DNAJC5: variants seen among roughly 807,000 people sequenced by gnomAD.
The protein encoded by DNAJC5 is DnaJ heat shock protein family (Hsp40) member C5.
In DNAJC5, 1 loss-of-function variant was observed where a neutral mutation model predicts 23.2. The observed-to-expected ratio is 0.04, with a 90% CI of 0.02 to 0.20. The LOEUF is 0.20. Ranked by LOEUF, DNAJC5 falls within the 10% of genes least tolerant of loss-of-function variation. The probability of loss-of-function intolerance (pLI) is 1.00; values close to 1 mark genes in which losing one functional copy is unlikely to be tolerated. For synonymous variants in DNAJC5, 136 were observed against 120.0 expected, an observed-to-expected ratio of 1.13 and a Z score of -0.87; for missense variants, 180 against 267.0, an observed-to-expected ratio of 0.67 and a Z score of 2.27.
rs535915377 is a variant in DNAJC5 at position 63,921,177 on chromosome 20, T to G, written c.-11-7158T>G. Among the ~76,000 whole-genome samples, 4 of 152,256 alleles carry G rather than the reference T, an allele frequency of 2.6e-5. No individual in the cohort carries two copies. The South Asian group carries it at 8.3e-4, about 32-fold the overall frequency. On this transcript the variant is annotated intron_variant, in intron 1 of 4. Coordinates refer to ENST00000360864, the MANE Select transcript of DNAJC5 (RefSeq NM_025219.3). ...TTTCTCCATGTTGGTCAGGCTGGCC[T>G]CAAACTCCTGACCTCAGGTGATCCG... is the stretch of plus-strand genomic sequence containing the variant.
At chr20:63,904,642 T>G (rs1461237248) in intron 1 of DNAJC5, among the ~76,000 whole-genome samples, 1 of 152,152 alleles carries the variant, frequency 6.6e-6, no homozygotes, top group Admixed American at 6.6e-5. Flanking sequence ...TAGGCAAAGT[T>G]GTGCTAATGC....
intron 1 of DNAJC5, among the ~76,000 whole-genome samples, chr20:63,913,279 G>A (rs920543484): frequency 1.3e-5 from 2 of 152,058 alleles, no homozygotes; most frequent in African/African-American, 2.4e-5. Context: ...CCTGCAGTCC[G>A]CAGCACCTGT....
At chr20:63,913,910 C>G (rs965870370) in intron 1 of DNAJC5, among the ~76,000 whole-genome samples, 1 of 152,198 alleles carries the variant, frequency 6.6e-6, no homozygotes, top group Admixed American at 6.5e-5. Context: ...TCTGTATATT[C>G]AGACCGTCCA....
intron 1 of DNAJC5, among the ~76,000 whole-genome samples, chr20:63,902,966 C>T (rs899904295): frequency 2.0e-5 from 3 of 151,892 alleles, no homozygotes; most frequent in Non-Finnish European, 2.9e-5. Flanking sequence ...CGTGAGCCAC[C>T]GCGCCCTGCC....
chr20:63,915,423 T>TAAA (rs10542373), intron 1 of DNAJC5, among the ~76,000 whole-genome samples: 1 of 125,446 alleles, frequency 8.0e-6, no homozygotes, highest in African/African-American at 2.7e-5. Flanking sequence ...CTACAATTGG[T>TAAA]AAAAAAAAAA....
rs2053649288 is a variant in DNAJC5 at position 63,929,719 on chromosome 20, A to ACTCCTGCCGTGCGGGCGCCCGAGTCT, written c.321+210_321+211insGCCCGAGTCTCTCCTGCCGTGCGGGC. On this transcript the variant is annotated intron_variant, in intron 3 of 4. Transcript: ENST00000360864. This position sits in a 1 kb window ranked among gnomAD's most constrained non-coding sequence, Gnocchi z 8.6. ...CTCCTGCCGTGCGGGCGCCCGAGTC[A>ACTCCTGCCGTGCGGGCGCCCGAGTCT]CTCCTGCCGTGCGGGCACCCGAGTC... 1.7e-5 allele frequency among the ~76,000 whole-genome samples: 2 copies of ACTCCTGCCGTGCGGGCGCCCGAGTCT among 115,554 alleles called. No individual in the cohort carries two copies. The highest frequency in any genetic ancestry group is 3.2e-5 in the African/African-American group (1 of 30,854). The allele number at this position is 115,554 out of a possible 152,430, so 75.8% of individuals were successfully genotyped here.
intron 1 of DNAJC5, among the ~76,000 whole-genome samples, chr20:63,921,785 G>GT (rs910731473): frequency 3.3e-4 from 49 of 148,358 alleles, no homozygotes; most frequent in South Asian, 4.3e-4. Context: ...CCCCTTGAAA[G>GT]TTTTTTTTTT....
chr20:63,921,590 CAA>C (rs11482146), intron 1 of DNAJC5, among the ~76,000 whole-genome samples: 12 of 116,306 alleles, frequency 1.0e-4, no homozygotes, highest in Admixed American at 8.3e-5. Context: ...GACTCCGTCT[CAA>C]AAAAAAAAAA....
chr20:63,914,666 A>AGTGTGGT (rs2146284791), intron 1 of DNAJC5, among the ~76,000 whole-genome samples: 1 of 140,268 alleles, frequency 7.1e-6, no homozygotes, highest in Admixed American at 7.6e-5. Flanking sequence ...CCCAGGCTGG[A>AGTGTGGT]GTGTGGTGGC....
In DNAJC5 at chr20:63,929,546, G is replaced by T. The variant is rs759202388; in HGVS notation, c.321+21G>T. On this transcript the variant is annotated intron_variant, in intron 3 of 4. Coordinates refer to ENST00000360864, the MANE Select transcript of DNAJC5 (RefSeq NM_025219.3). The surrounding 1 kb of genome is among the most constrained non-coding windows in gnomAD (Gnocchi z 8.6). Reference sequence around the variant, plus strand: ...CCAAGGTGAGGGCGAGCTGCCTGCCGTGCGGGCACCCGAGTCACTCCTGCC... The same window carrying T: ...CCAAGGTGAGGGCGAGCTGCCTGCCTTGCGGGCACCCGAGTCACTCCTGCC... 2.5e-6 allele frequency: 4 copies of T among 1,610,670 alleles called. No homozygotes were observed. The highest frequency in any genetic ancestry group is 1.3e-5 in the African/African-American group (1 of 74,766).
At position 63,933,622 on chromosome 20, in the gene DNAJC5, G is replaced by A. The variant is rs577615375; in HGVS notation, c.*2054G>A. The A allele has an allele frequency of 2.6e-5, 4 of 152,508 alleles. No individual in the cohort carries two copies. In the East Asian group the frequency reaches 5.6e-4, roughly 21 times the overall value. The allele number at this position is 152,508 out of a possible 1,614,324, so 9.4% of individuals were successfully genotyped here. ...GGTGGCGAGACAGTGGGGTGCCTCC[G>A]TGCCGCTTCGTGCAGCAGCAAGTTC... On this transcript the variant is annotated 3_prime_UTR_variant, in exon 5 of 5. Coordinates refer to ENST00000360864, the MANE Select transcript of DNAJC5 (RefSeq NM_025219.3).
chr20:63,931,538 C>T lies in DNAJC5; in HGVS notation c.567C>T (p.His189=), dbSNP rs1306240667. 2.5e-6 allele frequency: 4 copies of T among 1,582,544 alleles called. No homozygotes were observed. The highest frequency in any genetic ancestry group is 2.6e-6 in the Non-Finnish European group (3 of 1,168,474). ...TETTQLTADS[H]PSYHTDGFN ...CCACCCAGCTCACAGCCGACTCCCA[C>T]CCCAGCTACCACACTGACGGGTTCA... Residue 189 remains histidine (H), a synonymous_variant, in exon 5 of 5, where the codon CAC becomes CAT. Transcript: ENST00000360864. This position sits in a 1 kb window ranked among gnomAD's most constrained non-coding sequence, Gnocchi z 9.6.
rs376760963 is a variant in DNAJC5, at chr20:63,917,564, A to T, written c.-11-10771A>T. The stretch of plus-strand genomic sequence containing the variant: ...CACTGCATCCAGCCTTATTATTATT[A>T]TTTTTTTTTGAGATGGAGTCTTGCT... On this transcript the variant is annotated intron_variant, in intron 1 of 4. Coordinates refer to ENST00000360864, the MANE Select transcript of DNAJC5 (RefSeq NM_025219.3). Among the ~76,000 whole-genome samples the T allele has an allele frequency of 1.7e-3, 226 of 136,930 alleles. 1 individual carries two copies. Among genetic ancestry groups the T allele is most frequent in the Middle Eastern group, 6.0e-3 (1 of 166 alleles). The allele number at this position is 136,930 out of a possible 152,430, so 89.8% of individuals were successfully genotyped here.
chr20:63,924,870 C>A (rs61191017), intron 1 of DNAJC5, among the ~76,000 whole-genome samples: 152 of 152,370 alleles, frequency 1.0e-3, no homozygotes, highest in African/African-American at 3.6e-3. Context: ...CCTGCTTGGC[C>A]ACACTGGCGT....
intron 1 of DNAJC5, among the ~76,000 whole-genome samples, chr20:63,902,860 G>C (rs954761304): frequency 2.0e-5 from 3 of 149,944 alleles, no homozygotes; most frequent in African/African-American, 7.4e-5. Context: ...TGTATTTTTA[G>C]TAGAGACGGG....
chr20:63,930,158 A>G (rs1042657767), intron 3 of DNAJC5, among the ~76,000 whole-genome samples: 3 of 152,166 alleles, frequency 2.0e-5, no homozygotes, highest in Non-Finnish European at 2.9e-5. Flanking sequence ...CGGCCTCCTC[A>G]CTAGAATCCT....
chr20:63,913,423 GTC>G (rs1203314950), intron 1 of DNAJC5, among the ~76,000 whole-genome samples: 7 of 150,734 alleles, frequency 4.6e-5, no homozygotes, highest in Non-Finnish European at 1.0e-4. Context: ...GTGAGACAGA[GTC>G]TCGCTCTGTT....
intron 1 of DNAJC5, among the ~76,000 whole-genome samples, chr20:63,925,301 T>G (rs144002957): frequency 3.3e-5 from 5 of 152,078 alleles, no homozygotes; most frequent in African/African-American, 1.2e-4. Flanking sequence ...CTGGTCAATG[T>G]GGTGAAACCC....
chr20:63,923,836 T>G lies in DNAJC5; in HGVS notation c.-11-4499T>G, dbSNP rs1018631198. Among the ~76,000 whole-genome samples, 11 of 150,878 alleles carry G rather than the reference T, an allele frequency of 7.3e-5. 1 individual carries two copies. Among genetic ancestry groups the G allele is most frequent in the Admixed American group, 1.3e-4 (2 of 15,248 alleles). On this transcript the variant is annotated intron_variant, in intron 1 of 4. Coordinates refer to ENST00000360864, the MANE Select transcript of DNAJC5 (RefSeq NM_025219.3). ...GCCAAGTCCATCCGTTCCTACACTC[T>G]CACTGCCTCCAAGTCATTCTGCGCT...
Sources: gnomAD v4.1 joint callset for allele counts (sites outside exome capture counted in the v4.1 genomes callset) on GRCh38, gnomAD v4.1.1 for gene constraint, Gnocchi (gnomAD v3.1) non-coding constraint, MANE v1.5 for transcripts, NCBI Gene and HGNC (gene_info 2026-07-23, HGNC 2026-07-21) for gene names.